Variants in AP4S1 observed in about 807,000 individuals in gnomAD.
AP4S1 encodes adaptor related protein complex 4 subunit sigma 1.
A neutral mutation model predicts 19.8 loss-of-function variants in AP4S1; 23 were observed. The ratio of observed to expected loss-of-function variants is 1.16; its 90% CI spans 0.84 to 1.65. The LOEUF (loss-of-function observed/expected upper bound fraction) is 1.65, where lower values mean the gene tolerates loss of function less well. Ranked by LOEUF, AP4S1 falls within the 40% of genes most tolerant of loss-of-function variation. The pLI, the probability that AP4S1 is intolerant of heterozygous loss-of-function variation, is 0.00. For synonymous variants in AP4S1, 46 were observed against 54.1 expected, an observed-to-expected ratio of 0.85 and a Z score of 0.66; for missense variants, 166 against 172.8, an observed-to-expected ratio of 0.96 and a Z score of 0.22.
intron 1 of AP4S1, among the ~76,000 whole-genome samples, chr14:31,058,886 C>T (rs746147300): frequency 1.3e-5 from 2 of 151,986 alleles, no homozygotes; most frequent in Non-Finnish European, 2.9e-5. Context: ...CCTTGTGTGT[C>T]GTTAAATGCA....
intron 4 of AP4S1, among the ~76,000 whole-genome samples, chr14:31,079,732 G>A (rs796257019): frequency 5.9e-5 from 9 of 152,200 alleles, no homozygotes; most frequent in African/African-American, 1.9e-4. Context: ...AGGCAGAGGT[G>A]GGAGGATCGC....
At chr14:31,027,649 G>A (rs1884101780) in intron 1 of AP4S1, among the ~76,000 whole-genome samples, 3 of 152,174 alleles carry the variant, frequency 2.0e-5, no homozygotes. Context: ...GCGACAAAGC[G>A]AGACTCCGTG....
intron 1 of AP4S1, among the ~76,000 whole-genome samples, chr14:31,063,865 AC>A (rs1463154664): frequency 3.9e-5 from 6 of 152,228 alleles, no homozygotes; most frequent in Non-Finnish European, 1.5e-5. Context: ...TTGCAACTTT[AC>A]TATAAATCTA....
At chr14:31,085,506 G>A in intron 5 of AP4S1, 2 of 985,982 alleles carry the variant, frequency 2.0e-6, no homozygotes, top group Non-Finnish European at 2.4e-6. Context: ...GGGCACAGTG[G>A]CTCACGCCAG....
In AP4S1 at chr14:31,026,293, G is replaced by C. The variant is rs962049295; in HGVS notation, c.-72+506G>C. On this transcript the variant is annotated intron_variant, in intron 1 of 5. Transcript: ENST00000542754. ...GCGGGGCGGAGGCCGGCCGGGAGAGGGGCGGGGAAGGGGTCGTTGCTGTGT... is the reference window on the plus strand; with the variant it reads ...GCGGGGCGGAGGCCGGCCGGGAGAGCGGCGGGGAAGGGGTCGTTGCTGTGT... 7.6e-4 allele frequency: 908 copies of C among 1,199,470 alleles called. 3 individuals carry two copies. The highest frequency in any genetic ancestry group is 1.8e-3 in the Middle Eastern group (6 of 3,352). The allele number at this position is 1,199,470 out of a possible 1,614,324, so 74.3% of individuals were successfully genotyped here. A position where few individuals can be genotyped will look rare whatever the true frequency, so the allele number is the denominator to read the frequency against.
chr14:31,081,100 CTTAAGAT>C (rs1887617058), intron 5 of AP4S1, among the ~76,000 whole-genome samples: 1 of 151,994 alleles, frequency 6.6e-6, no homozygotes, highest in African/African-American at 2.4e-5. Context: ...CAAGATGATT[CTTAAGAT>C]TTTTTTTTTC....
In AP4S1 at chr14:31,069,360, G is replaced by A. The variant is rs115284632; in HGVS notation, c.139-483G>A. Among the ~76,000 whole-genome samples, 1,503 of 152,264 alleles carry A rather than the reference G, an allele frequency of 9.9e-3. 33 individuals carry two copies. Among genetic ancestry groups the A allele is most frequent in the African/African-American group, 0.034 (1,399 of 41,550 alleles). Reference sequence around the variant, plus strand: ...TAATCTACATGGATTCTTTTCATGAGTCTAGGAAAAAGCAACCAATTTTTG... The same window carrying A: ...TAATCTACATGGATTCTTTTCATGAATCTAGGAAAAAGCAACCAATTTTTG... On this transcript the variant is annotated intron_variant, in intron 2 of 5. Coordinates refer to ENST00000542754, the MANE Select transcript of AP4S1 (RefSeq NM_001128126.3).
At chr14:31,050,506 G>A (rs1241447707) in intron 1 of AP4S1, among the ~76,000 whole-genome samples, 1 of 151,832 alleles carries the variant, frequency 6.6e-6, no homozygotes, top group African/African-American at 2.4e-5. Context: ...TTTAGAGACA[G>A]GGTCTTGCTA....
intron 1 of AP4S1, among the ~76,000 whole-genome samples, chr14:31,052,285 A>T (rs1246279673): frequency 1.3e-5 from 2 of 152,118 alleles, no homozygotes; most frequent in African/African-American, 4.8e-5. Flanking sequence ...AAAAAAAGAC[A>T]TGAAGTTGGT....
intron 1 of AP4S1, among the ~76,000 whole-genome samples, chr14:31,045,856 A>G (rs557582737): frequency 6.6e-6 from 1 of 152,148 alleles, no homozygotes; most frequent in Non-Finnish European, 1.5e-5. Context: ...GTCCGTAGAT[A>G]GCCTCAGGGT....
In AP4S1 at chr14:31,071,052, A is replaced by G. The variant is rs865960799; in HGVS notation, c.225+1123A>G. Among the ~76,000 whole-genome samples the G allele has an allele frequency of 9.4e-5, 14 of 148,708 alleles. No individual in the cohort carries two copies. In the South Asian group the frequency reaches 1.9e-3, roughly 20 times the overall value. ...GGGCGACAGAGTGAGACTCCATCTC[A>G]AAAAAAAAAGGGCTGATATATCAAA... On this transcript the variant is annotated intron_variant, in intron 3 of 5. Transcript: ENST00000542754.
chr14:31,082,772 T>G (rs1162399919), intron 5 of AP4S1, among the ~76,000 whole-genome samples: 3 of 152,050 alleles, frequency 2.0e-5, no homozygotes, highest in Non-Finnish European at 4.4e-5. Flanking sequence ...GGCGGGCGCC[T>G]GTAGTCCCAG....
chr14:31,093,771 G>C lies in AP4S1; in HGVS notation c.*736G>C, dbSNP rs1453087689. 2 of 152,056 alleles carry C rather than the reference G, an allele frequency of 1.3e-5. No individual in the cohort carries two copies. Among genetic ancestry groups the C allele is most frequent in the Non-Finnish European group, 1.5e-5 (1 of 68,068 alleles). The allele number at this position is 152,056 out of a possible 1,614,324, so 9.4% of individuals were successfully genotyped here. A position where few individuals can be genotyped will look rare whatever the true frequency, so the allele number is the denominator to read the frequency against. Reference sequence around the variant, plus strand: ...TGAAGGCTGTCTTATTCCTTTAAAAGGCTTAGTAAAATTAACTTTTTAAGA... The same window carrying C: ...TGAAGGCTGTCTTATTCCTTTAAAACGCTTAGTAAAATTAACTTTTTAAGA... On this transcript the variant is annotated 3_prime_UTR_variant, in exon 6 of 6. Transcript: ENST00000542754.
At chr14:31,064,984 A>G (rs1886637574) in intron 1 of AP4S1, among the ~76,000 whole-genome samples, 1 of 152,122 alleles carries the variant, frequency 6.6e-6, no homozygotes, top group Non-Finnish European at 1.5e-5. Flanking sequence ...AGAAGTACCT[A>G]CCTCAAACAA....
In AP4S1 at chr14:31,039,573, T is replaced by TG. The variant is rs1156535966; in HGVS notation, c.-72+13786_-72+13787insG. Among the ~76,000 whole-genome samples, 31 of 136,052 alleles carry TG rather than the reference T, an allele frequency of 2.3e-4. 3 individuals carry two copies. The highest frequency in any genetic ancestry group is 7.7e-4 in the African/African-American group (27 of 34,936). 89.3% of individuals were successfully genotyped at this position (136,052 alleles called of 152,430 possible). A position where few individuals can be genotyped will look rare whatever the true frequency, so the allele number is the denominator to read the frequency against. On this transcript the variant is annotated intron_variant, in intron 1 of 5. Coordinates refer to ENST00000542754, the MANE Select transcript of AP4S1 (RefSeq NM_001128126.3). ...CTTAAATACAATAGGTGTAGTTTTG[T>TG]TTTTTTTTTTTTTTTTTGAGACGGA...
chr14:31,046,862 A>G (rs1038726136), intron 1 of AP4S1, among the ~76,000 whole-genome samples: 78 of 151,166 alleles, frequency 5.2e-4, no homozygotes, highest in Admixed American at 1.6e-3. Context: ...AAAAAAAAAA[A>G]AAGAAGAAGT....
chr14:31,062,394 C>T (rs926367856), intron 1 of AP4S1, among the ~76,000 whole-genome samples: 1 of 152,116 alleles, frequency 6.6e-6, no homozygotes, highest in African/African-American at 2.4e-5. Context: ...CCACTGCACC[C>T]GGCCAGGTCT....
At chr14:31,076,988 A>G (rs2139086069) in intron 4 of AP4S1, among the ~76,000 whole-genome samples, 1 of 152,172 alleles carries the variant, frequency 6.6e-6, no homozygotes, top group African/African-American at 2.4e-5. Context: ...TTGGAGTGCA[A>G]TGGCGTGATC....
chr14:31,075,806 C>G (rs1887324239), intron 4 of AP4S1, among the ~76,000 whole-genome samples: 2 of 148,214 alleles, frequency 1.3e-5, no homozygotes, highest in Admixed American at 1.4e-4. Context: ...ATGGCGTGCT[C>G]TCAGCTCACC....
Sources: allele counts gnomAD v4.1 joint callset (sites outside exome capture counted in the v4.1 genomes callset), GRCh38; gene constraint gnomAD v4.1.1; transcripts MANE v1.5; gene names NCBI Gene and HGNC (gene_info 2026-07-23, HGNC 2026-07-21).